Variants in DIP2B observed in about 807,000 individuals in gnomAD.
The protein encoded by DIP2B is disco-interacting protein 2 homolog B.
In DIP2B, 76 loss-of-function variants were observed where a neutral mutation model predicts 198.0. The ratio of observed to expected loss-of-function variants is 0.38; its 90% CI spans 0.32 to 0.46. The LOEUF is 0.46. Among genes scored for constraint, DIP2B ranks in the 20% least tolerant of loss-of-function variants. The pLI is 0.99. For synonymous variants in DIP2B, 701 were observed against 739.1 expected, an observed-to-expected ratio of 0.95 and a Z score of 0.84; for missense variants, 1,559 against 1,978.4, an observed-to-expected ratio of 0.79 and a Z score of 4.02.
At chr12:50,594,613 A>G (rs1352281242) in intron 1 of DIP2B, among the ~76,000 whole-genome samples, 1 of 152,222 alleles carries the variant, frequency 6.6e-6, no homozygotes, top group African/African-American at 2.4e-5. Context: ...TAGGACTTAC[A>G]TAACAGTATA....
In DIP2B at chr12:50,692,837, A is replaced by G. The variant is rs1226132279; in HGVS notation, c.1655-112A>G. 7 of 934,564 alleles carry G rather than the reference A, an allele frequency of 7.5e-6. No individual in the cohort carries two copies. The East Asian group carries it at 1.6e-4, about 21-fold the overall frequency. The allele number at this position is 934,564 out of a possible 1,614,324, so 57.9% of individuals were successfully genotyped here. ...GGGTGACAGAGGTGAGACTCCATCTAAAAGAAAAAGCAAACAAACATCAAA... is the reference window on the plus strand; with the variant it reads ...GGGTGACAGAGGTGAGACTCCATCTGAAAGAAAAAGCAAACAAACATCAAA... On this transcript the variant is annotated intron_variant, in intron 13 of 37. Transcript: ENST00000301180.
chr12:50,514,152 G>A (rs1016291377), intron 1 of DIP2B, among the ~76,000 whole-genome samples: 4 of 142,578 alleles, frequency 2.8e-5, no homozygotes, highest in South Asian at 2.4e-4. Flanking sequence ...CATAACCTCC[G>A]CCTCCCGGGT....
chr12:50,652,174 G>A (rs1182819040), intron 3 of DIP2B, among the ~76,000 whole-genome samples: 2 of 151,922 alleles, frequency 1.3e-5, no homozygotes, highest in Admixed American at 6.6e-5. Context: ...TTAGCCAGGC[G>A]TTGTAGCAGG....
chr12:50,692,969 T>G lies in DIP2B; in HGVS notation c.1675T>G (p.Leu559Val), dbSNP rs751302142. The G allele has an allele frequency of 1.2e-6, 2 of 1,611,010 alleles. No homozygotes were observed. Among genetic ancestry groups the G allele is most frequent in the South Asian group, 2.2e-5 (2 of 90,202 alleles). The change falls in exon 14 of 38, where the codon TTA (leucine) becomes GTA (valine). Residue 559 changes from leucine (L) to valine (V), a missense_variant. Physicochemically the swap from Leu to Val is conservative, Grantham distance 32. Coordinates refer to ENST00000301180, the MANE Select transcript of DIP2B (RefSeq NM_173602.3). ...TTTAGGGGAAACAATAGTAAATGTC[T>G]TAGACTTTAAGAAGGATGCTGGGCT... Reference protein sequence around the residue: ...YSEGETIVNVLDFKKDAGLWH... With the variant: ...YSEGETIVNVVDFKKDAGLWH...
intron 1 of DIP2B, among the ~76,000 whole-genome samples, chr12:50,534,659 C>T (rs1393522187): frequency 2.0e-5 from 3 of 152,118 alleles, no homozygotes; most frequent in South Asian, 2.1e-4. Context: ...CCACCATGCC[C>T]GGCCTCAGTT....
chr12:50,648,654 C>T (rs867623582), intron 3 of DIP2B, among the ~76,000 whole-genome samples: 4 of 112,260 alleles, frequency 3.6e-5, no homozygotes, highest in Non-Finnish European at 5.5e-5. Flanking sequence ...TGAGCCACCA[C>T]GCCCAGCCCC....
intron 30 of DIP2B, among the ~76,000 whole-genome samples, chr12:50,730,814 T>C (rs1455960964): frequency 6.6e-6 from 1 of 150,920 alleles, no homozygotes; most frequent in Non-Finnish European, 1.5e-5. Flanking sequence ...GCCAAATTCA[T>C]ACTCATTCTT....
chr12:50,685,718 TG>T, intron 10 of DIP2B, 114 bp from the exon 11 acceptor site: 1 of 1,194,018 alleles, frequency 8.4e-7, no homozygotes, highest in Non-Finnish European at 1.1e-6. Flanking sequence ...CAGATATTGG[TG>T]GGGCTCCATG....
intron 1 of DIP2B, among the ~76,000 whole-genome samples, chr12:50,551,472 C>T (rs1029182405): frequency 2.0e-5 from 3 of 152,090 alleles, no homozygotes; most frequent in African/African-American, 7.2e-5. Context: ...GAGACAGAGT[C>T]TCACTTTGTT....
intron 14 of DIP2B, 110 bp from the exon 15 acceptor site, chr12:50,695,157 A>G: frequency 1.3e-6 from 1 of 788,810 alleles, no homozygotes; most frequent in Non-Finnish European, 2.0e-6. Context: ...AAGAGTGTGT[A>G]TTTGAGTATT....
At chr12:50,527,043 C>G (rs1333175234) in intron 1 of DIP2B, among the ~76,000 whole-genome samples, 1 of 152,164 alleles carries the variant, frequency 6.6e-6, no homozygotes, top group Admixed American at 6.6e-5. Context: ...AAACCAAAAT[C>G]AGTTTTGTTT....
At chr12:50,628,661 C>T (rs558952737) in intron 2 of DIP2B, among the ~76,000 whole-genome samples, 1 of 152,146 alleles carries the variant, frequency 6.6e-6, no homozygotes, top group Non-Finnish European at 1.5e-5. Context: ...AAAGAATCCT[C>T]CATTTACTTG....
At chr12:50,677,825 C>T (rs567905861) in intron 7 of DIP2B, among the ~76,000 whole-genome samples, 1 of 151,724 alleles carries the variant, frequency 6.6e-6, no homozygotes, top group African/African-American at 2.4e-5. Context: ...GTTGAACAAC[C>T]GTGAAGTATT....
intron 4 of DIP2B, among the ~76,000 whole-genome samples, chr12:50,667,208 G>C (rs190453467): frequency 4.3e-4 from 65 of 152,320 alleles, no homozygotes; most frequent in Admixed American, 9.1e-4. Flanking sequence ...ATTGGTTATA[G>C]ATGGATTGTA....
chr12:50,618,344 A>G (rs1307313491), intron 1 of DIP2B, among the ~76,000 whole-genome samples: 1 of 152,198 alleles, frequency 6.6e-6, no homozygotes, highest in African/African-American at 2.4e-5. Flanking sequence ...ACCTCAGGTT[A>G]GGCTGCAGGA....
rs1274331243 is a variant in DIP2B, at chr12:50,744,874, AG to A, written c.*36del. The A allele has an allele frequency of 6.2e-7, 1 of 1,605,612 alleles. No homozygotes were observed. The highest frequency in any genetic ancestry group is 8.5e-7 in the Non-Finnish European group (1 of 1,173,784). On this transcript the variant is annotated 3_prime_UTR_variant, in exon 38 of 38. Coordinates refer to ENST00000301180, the MANE Select transcript of DIP2B (RefSeq NM_173602.3). ...TGGGGACTGCAGTGGGCCATTCTGA[AG>A]AATCACAAAGACAGAAGACCTCTGG...
Position 50,666,662 on chromosome 12 carries a change from T to G in DIP2B, c.428-4524T>G, listed in dbSNP as rs565703643. ...CCCATCTAAGGTTGCAAGCTGGAAT[T>G]AAGATCCCTGGAGGGACTTGCATCT... On this transcript the variant is annotated intron_variant, in intron 4 of 37. Transcript: ENST00000301180. Among the ~76,000 whole-genome samples, 5 of 152,272 alleles carry G rather than the reference T, an allele frequency of 3.3e-5. No homozygotes were observed. In the East Asian group the frequency reaches 9.7e-4, roughly 29 times the overall value.
At chr12:50,697,560 T>TTTTTTA (rs869264552) in intron 17 of DIP2B, among the ~76,000 whole-genome samples, 1 of 132,572 alleles carries the variant, frequency 7.5e-6, no homozygotes, top group African/African-American at 2.7e-5. Flanking sequence ...TTTTTTTTTT[T>TTTTTTA]AGATAGGATC....
chr12:50,573,379 C>T (rs1377964784), intron 1 of DIP2B, among the ~76,000 whole-genome samples: 1 of 152,188 alleles, frequency 6.6e-6, no homozygotes, highest in Non-Finnish European at 1.5e-5. Flanking sequence ...CTCCTTGTTC[C>T]ACCTGCCTTG....
Sources: gnomAD v4.1 joint callset for allele counts (sites outside exome capture counted in the v4.1 genomes callset) on GRCh38, gnomAD v4.1.1 for gene constraint, MANE v1.5 for transcripts, NCBI Gene and HGNC (gene_info 2026-07-23, HGNC 2026-07-21) for gene names.